Variants in RBFOX1 observed in about 807,000 individuals in gnomAD.
The protein encoded by RBFOX1 is RNA binding protein fox-1 homolog 1.
RBFOX1 carries 8 observed loss-of-function variants against 57.7 expected under a neutral mutation model. That is an observed-to-expected ratio of 0.14 (90% confidence interval 0.08 to 0.25). The LOEUF (loss-of-function observed/expected upper bound fraction) is 0.25, where lower values mean the gene tolerates loss of function less well. Ranked by LOEUF, RBFOX1 falls within the 10% of genes least tolerant of loss-of-function variation. The pLI, the probability that RBFOX1 is intolerant of heterozygous loss-of-function variation, is 1.00. For synonymous variants in RBFOX1, 326 were observed against 222.4 expected (o/e 1.47, Z -4.15); for missense variants, 611 against 548.5 (o/e 1.11, Z -1.14).
In RBFOX1 at chr16:6,677,140, G is replaced by A. The variant is rs187993499; in HGVS notation, c.-16+22490G>A. Among the ~76,000 whole-genome samples, 44 of 152,196 alleles carry A rather than the reference G, an allele frequency of 2.9e-4. 1 individual carries two copies. Among genetic ancestry groups the A allele is most frequent in the Admixed American group, 1.4e-3 (22 of 15,296 alleles). On this transcript the variant is annotated intron_variant, in intron 3 of 15. Transcript: ENST00000550418. Reference sequence around the variant, plus strand: ...AAAAGTAGATAGATACTTTTTTTCAGATGATGAAATAGAATTCCAAAATAT... The same window carrying A: ...AAAAGTAGATAGATACTTTTTTTCAAATGATGAAATAGAATTCCAAAATAT...
At chr16:6,236,186 C>T (rs922476330) in intron 1 of RBFOX1, among the ~76,000 whole-genome samples, 3 of 152,134 alleles carry the variant, frequency 2.0e-5, no homozygotes, top group Non-Finnish European at 4.4e-5. Context: ...TTTTACTGAG[C>T]TCAGTATGCC....
At chr16:5,602,308 C>T (rs763743354), downstream of RBFOX1, among the ~76,000 whole-genome samples, 56 of 152,296 alleles carry the variant, frequency 3.7e-4, no homozygotes, top group Middle Eastern at 6.8e-3. Context: ...TGGGAATTTG[C>T]ACCTTGGAGA....
chr16:5,664,196 C>T (rs1008241743), intron 3 of RBFOX1, among the ~76,000 whole-genome samples: 4 of 152,228 alleles, frequency 2.6e-5, no homozygotes, highest in African/African-American at 9.6e-5. Flanking sequence ...GGAACTGCAT[C>T]TCTTGACTTG....
At chr16:7,006,705 C>G (rs1327479385) in intron 3 of RBFOX1, among the ~76,000 whole-genome samples, 1 of 152,164 alleles carries the variant, frequency 6.6e-6, no homozygotes, top group Non-Finnish European at 1.5e-5. Flanking sequence ...TCCTTGGTCT[C>G]CCAATGTGCT....
chr16:7,081,863 C>G (rs1040276899), intron 4 of RBFOX1, among the ~76,000 whole-genome samples: 3 of 152,136 alleles, frequency 2.0e-5, no homozygotes, highest in African/African-American at 4.8e-5. Context: ...TGAGGTCAGT[C>G]TTTTTAGTGG....
At chr16:6,078,338 C>T (rs768499623) in intron 1 of RBFOX1, among the ~76,000 whole-genome samples, 15 of 152,138 alleles carry the variant, frequency 9.9e-5, no homozygotes, top group African/African-American at 1.4e-4. Context: ...GCATGTGGCC[C>T]GGGACGGCTT....
chr16:5,861,430 G>C (rs2057210225), intron 3 of RBFOX1, among the ~76,000 whole-genome samples: 1 of 152,176 alleles, frequency 6.6e-6, no homozygotes, highest in African/African-American at 2.4e-5. Context: ...TGGTGGCTTT[G>C]GAAGTCACAT....
At chr16:7,319,988 A>G (rs2096516270) in intron 4 of RBFOX1, among the ~76,000 whole-genome samples, 1 of 152,160 alleles carries the variant, frequency 6.6e-6, no homozygotes, top group Non-Finnish European at 1.5e-5. Flanking sequence ...ATTAAGCAGA[A>G]CATATCTTCT....
At chr16:5,288,028 A>G (rs1406952452) in intron 1 of RBFOX1, among the ~76,000 whole-genome samples, 18 of 152,210 alleles carry the variant, frequency 1.2e-4, no homozygotes. Context: ...GGGAGGTACC[A>G]TAGCAGGGAC....
chr16:5,711,252 T>C (rs58825295), intron 3 of RBFOX1, among the ~76,000 whole-genome samples: 13,178 of 152,232 alleles, frequency 0.087, 1,921 homozygotes, highest in African/African-American at 0.3. Flanking sequence ...TAACCCTGTA[T>C]GGTAAGTATT....
intron 1 of RBFOX1, among the ~76,000 whole-genome samples, chr16:6,188,587 C>T (rs1445148793): frequency 6.6e-6 from 1 of 152,118 alleles, no homozygotes; most frequent in African/African-American, 2.4e-5. Context: ...TTTGTTTCTG[C>T]TTACATTTTC....
At chr16:6,190,244 A>G (rs1486537529) in intron 1 of RBFOX1, among the ~76,000 whole-genome samples, 1 of 152,200 alleles carries the variant, frequency 6.6e-6, no homozygotes, top group Non-Finnish European at 1.5e-5. Flanking sequence ...GAATGACTCC[A>G]TTTTGGCTTC....
At chr16:7,216,994 T>TCCTTCCTTCCTCCCTTC (rs1567747966) in intron 4 of RBFOX1, among the ~76,000 whole-genome samples, 2 of 90,586 alleles carry the variant, frequency 2.2e-5, no homozygotes, top group African/African-American at 8.4e-5. Flanking sequence ...TTTCCTTCCT[T>TCCTTCCTTCCTCCCTTC]CCTCCCTCCC....
intron 1 of RBFOX1, among the ~76,000 whole-genome samples, chr16:5,250,193 C>T (rs916336756): frequency 1.3e-5 from 2 of 151,924 alleles, no homozygotes; most frequent in African/African-American, 4.8e-5. Context: ...TTTTGATTTG[C>T]TTTTCTTGAT....
At chr16:7,026,443 A>G (rs1425200621) in intron 3 of RBFOX1, among the ~76,000 whole-genome samples, 1 of 152,212 alleles carries the variant, frequency 6.6e-6, no homozygotes, top group African/African-American at 2.4e-5. Context: ...CTGAATATTT[A>G]GACTCTTTTT....
rs2083899810 is a variant in RBFOX1, at chr16:7,710,843, CTAAAAAAAA to C, written c.*99_*107del. On this transcript the variant is annotated 3_prime_UTR_variant, in exon 16 of 16. Coordinates refer to ENST00000550418, the MANE Select transcript of RBFOX1 (RefSeq NM_018723.4). ...GCAGTAGTACATCATTTTAGCAACTCTAAAAAAAAAAAAAATACAAATAAAAAGGAAAAA... is the reference window on the plus strand; with the variant it reads ...GCAGTAGTACATCATTTTAGCAACTCAAAAAATACAAATAAAAAGGAAAAA... 2.6e-6 allele frequency: 2 copies of C among 758,772 alleles called. No homozygotes were observed. The highest frequency in any genetic ancestry group is 3.6e-5 in the African/African-American group (1 of 27,992). The allele number at this position is 758,772 out of a possible 1,614,324, so 47.0% of individuals were successfully genotyped here.
At chr16:6,362,404 G>C (rs1244400103) in intron 2 of RBFOX1, among the ~76,000 whole-genome samples, 1 of 152,078 alleles carries the variant, frequency 6.6e-6, no homozygotes, top group Admixed American at 6.5e-5. Flanking sequence ...TCATAAAATT[G>C]AATGTACATA....
chr16:6,733,112 A>G (rs1424384175), intron 3 of RBFOX1, among the ~76,000 whole-genome samples: 1 of 152,214 alleles, frequency 6.6e-6, no homozygotes, highest in Non-Finnish European at 1.5e-5. Flanking sequence ...ATATATGAAT[A>G]TAAGCACTGT....
At chr16:6,478,388 AATATAT>A (rs71406379) in intron 2 of RBFOX1, among the ~76,000 whole-genome samples, 73 of 41,514 alleles carry the variant, frequency 1.8e-3, no homozygotes, top group Admixed American at 2.7e-3. Flanking sequence ...ACACCCAGCT[AATATAT>A]ATATATATAT....
Sources: gnomAD v4.1 joint callset for allele counts (sites outside exome capture counted in the v4.1 genomes callset) on GRCh38, gnomAD v4.1.1 for gene constraint, MANE v1.5 for transcripts, NCBI Gene and HGNC (gene_info 2026-07-23, HGNC 2026-07-21) for gene names.